ZNF346: variants seen among roughly 807,000 people sequenced by gnomAD.
The protein encoded by ZNF346 is zinc finger protein 346.
Under a neutral mutation model 33.7 loss-of-function variants are expected in ZNF346, and 23 were observed. The ratio of observed to expected loss-of-function variants is 0.68; its 90% CI spans 0.49 to 0.97. The LOEUF (loss-of-function observed/expected upper bound fraction) is 0.97, where lower values mean the gene tolerates loss of function less well. Among genes scored for constraint, ZNF346 ranks in the 50% least tolerant of loss-of-function variants. The pLI, the probability that ZNF346 is intolerant of heterozygous loss-of-function variation, is 0.00. For synonymous variants in ZNF346, 134 were observed against 142.4 expected (o/e 0.94, Z 0.42); for missense variants, 340 against 371.1 (o/e 0.92, Z 0.69).
intron 1 of ZNF346, chr5:177,023,240 C>A: frequency 3.3e-6 from 5 of 1,532,352 alleles, no homozygotes; most frequent in Non-Finnish European, 4.4e-6. Context: ...TCCCGGTAAG[C>A]CAAGCCGAGT....
At chr5:177,068,606 G>A (rs536685983), downstream of ZNF346, among the ~76,000 whole-genome samples, 2 of 143,742 alleles carry the variant, frequency 1.4e-5, 1 homozygote, top group South Asian at 4.3e-4. Flanking sequence ...AACTGGTTTA[G>A]TCCTGTTCTC....
intron 1 of ZNF346, among the ~76,000 whole-genome samples, chr5:177,026,017 G>A (rs1776717037): frequency 6.7e-6 from 1 of 149,720 alleles, no homozygotes; most frequent in African/African-American, 2.5e-5. Flanking sequence ...TTGAGATGCA[G>A]TCTCACCCTG....
rs957232034 is a variant in ZNF346 at position 177,075,683 on chromosome 5, A to AT, written c.*3-3690dup. Among the ~76,000 whole-genome samples, 50 of 145,850 alleles carry AT rather than the reference A, an allele frequency of 3.4e-4. 1 individual carries two copies. Among genetic ancestry groups the AT allele is most frequent in the African/African-American group, 1.2e-3 (46 of 39,416 alleles). On this transcript the variant is annotated intron_variant, in intron 8 of 8. Transcript: ENST00000503039. ...AGGCATGCGCCACTGTGCCTGGCTA[A>AT]TTTTTTTTTCCTTTTTTTTTGAGAC...
At chr5:177,070,672 A>T (rs375258291), downstream of ZNF346, among the ~76,000 whole-genome samples, 1 of 152,154 alleles carries the variant, frequency 6.6e-6, no homozygotes, top group East Asian at 1.9e-4. Context: ...TGCTCTTTCT[A>T]TTGTTGACCT....
rs571974898 is a variant in ZNF346, at chr5:177,066,168, C to A, written c.*1569C>A. On this transcript the variant is annotated 3_prime_UTR_variant, in exon 7 of 7. Coordinates refer to ENST00000358149, the MANE Select transcript of ZNF346 (RefSeq NM_012279.4). The stretch of plus-strand genomic sequence containing the variant: ...TGAACTCAGTACAGCCTCATCTTCT[C>A]ATCCACCACCTTCTCCTGCTTCTCC... Among the ~76,000 whole-genome samples, 1 of 151,080 alleles carries A rather than the reference C, an allele frequency of 6.6e-6. No individual in the cohort carries two copies. Among genetic ancestry groups the A allele is most frequent in the South Asian group, 2.1e-4 (1 of 4,702 alleles).
chr5:177,052,334 AT>A (rs765000447), intron 5 of ZNF346: 5 of 151,766 alleles, frequency 3.3e-5, no homozygotes, highest in African/African-American at 4.8e-5. Flanking sequence ...CACATGGCTA[AT>A]TTCCGGCTAA....
chr5:177,023,105 G>T (rs931885417), intron 1 of ZNF346, 192 bp downstream of exon 1: 18 of 1,466,260 alleles, frequency 1.2e-5, no homozygotes, highest in Non-Finnish European at 1.6e-5. Context: ...AGGGTGAAGG[G>T]CCGCTCACGC....
intron 5 of ZNF346, among the ~76,000 whole-genome samples, chr5:177,055,447 A>G (rs1216303985): frequency 1.3e-5 from 2 of 152,158 alleles, no homozygotes; most frequent in Non-Finnish European, 2.9e-5. Flanking sequence ...TTGACTCTAT[A>G]TCTTTGGTAA....
At chr5:177,071,550 G>C (rs62397217), downstream of ZNF346, among the ~76,000 whole-genome samples, 697 of 150,114 alleles carry the variant, frequency 4.6e-3, 6 homozygotes, top group Middle Eastern at 0.028. Flanking sequence ...GCTGGTCGTA[G>C]TGGCGGGTGC....
At chr5:177,028,494 TTTTATATATATA>T (rs1162283631) in intron 1 of ZNF346, among the ~76,000 whole-genome samples, 1 of 46,010 alleles carries the variant, frequency 2.2e-5, no homozygotes, top group Non-Finnish European at 5.1e-5. Context: ...ACTTGTGACG[TTTTATATATATA>T]TATATATATA....
At position 177,067,908 on chromosome 5, in the gene ZNF346, C is replaced by T. The variant is rs1783310067; in HGVS notation, c.*3309C>T. On this transcript the variant is annotated 3_prime_UTR_variant, in exon 7 of 7. Coordinates refer to ENST00000358149, the MANE Select transcript of ZNF346 (RefSeq NM_012279.4). ...TCACTTGCGGCCGGGAGTTTAAGAC[C>T]ATCCTGGCCAACGTGGTGAAATCCC... Among the ~76,000 whole-genome samples the T allele has an allele frequency of 6.6e-6, 1 of 152,018 alleles. No homozygotes were observed. The highest frequency in any genetic ancestry group is 1.5e-5 in the Non-Finnish European group (1 of 67,994).
chr5:177,062,242 G>T, intron 6 of ZNF346, 91 bp downstream of exon 6: 1 of 1,042,586 alleles, frequency 9.6e-7, no homozygotes, highest in Non-Finnish European at 1.5e-6. Flanking sequence ...CGGCTGAAAT[G>T]GAATCCTGGC....
Position 177,046,660 on chromosome 5 carries a change from A to T in ZNF346, c.517+2127A>T, listed in dbSNP as rs180731331. Reference sequence around the variant, plus strand: ...GGAAAGAAAAGTTACCCATAATTTTACCATTCACAGATAAACACTGTTAAC... The same window carrying T: ...GGAAAGAAAAGTTACCCATAATTTTTCCATTCACAGATAAACACTGTTAAC... On this transcript the variant is annotated intron_variant, in intron 4 of 6. Transcript: ENST00000358149. Among the ~76,000 whole-genome samples the T allele has an allele frequency of 8.6e-4, 131 of 152,304 alleles. 1 individual carries two copies. Among genetic ancestry groups the T allele is most frequent in the African/African-American group, 2.9e-3 (122 of 41,576 alleles).
intron 1 of ZNF346, among the ~76,000 whole-genome samples, chr5:177,029,014 CG>C (rs1777296455): frequency 6.6e-6 from 1 of 151,624 alleles, no homozygotes; most frequent in Non-Finnish European, 1.5e-5. Flanking sequence ...CCACCGCACC[CG>C]GCCATATAAC....
intron 1 of ZNF346, among the ~76,000 whole-genome samples, chr5:177,026,158 C>T (rs1776736064): frequency 6.6e-6 from 1 of 151,708 alleles, no homozygotes; most frequent in African/African-American, 2.4e-5. Flanking sequence ...GTGTTCACCA[C>T]CACATCTGGC....
At chr5:177,040,501 C>T (rs1361733941) in intron 1 of ZNF346, among the ~76,000 whole-genome samples, 1 of 152,022 alleles carries the variant, frequency 6.6e-6, no homozygotes, top group Admixed American at 6.6e-5. Flanking sequence ...CCTGCCACCA[C>T]ACCTGGCTAA....
exon 9 of ZNF346, chr5:177,081,089 AG>A (rs35762545): frequency 0.24 from 35,996 of 151,372 alleles, 5,335 homozygotes; most frequent in African/African-American, 0.42. Context: ...CTTAAAAAAA[AG>A]AAATGGTAAT....
chr5:177,023,041 T>C, intron 1 of ZNF346, 128 bp downstream of exon 1: 1 of 1,446,182 alleles, frequency 6.9e-7, no homozygotes, highest in Non-Finnish European at 9.3e-7. Flanking sequence ...ACCCCCAGAC[T>C]TGTGCTCCCC....
rs1581967800 is a variant in ZNF346 at position 177,064,704 on chromosome 5, C to T, written c.*105C>T. On this transcript the variant is annotated 3_prime_UTR_variant, in exon 7 of 7. Coordinates refer to ENST00000358149, the MANE Select transcript of ZNF346 (RefSeq NM_012279.4). ...GCTCGTTGTTCTCACCAGGAAAGTA[C>T]ACGGGCCTGAGGCAGGATTGGGCCA... The T allele has an allele frequency of 1.1e-6, 1 of 908,530 alleles. No individual in the cohort carries two copies. Among genetic ancestry groups the T allele is most frequent in the Non-Finnish European group, 1.8e-6 (1 of 555,374 alleles). The allele number at this position is 908,530 out of a possible 1,614,324, so 56.3% of individuals were successfully genotyped here. A position where few individuals can be genotyped will look rare whatever the true frequency, so the allele number is the denominator to read the frequency against.
Sources: allele counts gnomAD v4.1 joint callset (sites outside exome capture counted in the v4.1 genomes callset), GRCh38; gene constraint gnomAD v4.1.1; transcripts MANE v1.5; gene names NCBI Gene and HGNC (gene_info 2026-07-23, HGNC 2026-07-21).